SORCS3: variants seen among roughly 807,000 people sequenced by gnomAD.
SORCS3 encodes the protein sortilin related VPS10 domain containing receptor 3.
A neutral mutation model predicts 146.3 loss-of-function variants in SORCS3; 57 were observed. That is an observed-to-expected ratio of 0.39 (90% CI 0.31 to 0.49). SORCS3 has a LOEUF of 0.49. Among genes scored for constraint, SORCS3 ranks in the 20% least tolerant of loss-of-function variants. The probability of loss-of-function intolerance (pLI) is 0.92; values close to 1 mark genes in which losing one functional copy is unlikely to be tolerated. For synonymous variants in SORCS3, 653 were observed against 618.5 expected (o/e 1.06, Z -0.83); for missense variants, 1,341 against 1,575.5 (o/e 0.85, Z 2.52).
At chr10:105,143,104 A>G (rs2056106875) in intron 8 of SORCS3, among the ~76,000 whole-genome samples, 1 of 152,040 alleles carries the variant, frequency 6.6e-6, no homozygotes, top group Non-Finnish European at 1.5e-5. Context: ...CCACTATTTC[A>G]CTAAAAATCC....
At chr10:104,724,787 A>T (rs1203756661) in intron 1 of SORCS3, among the ~76,000 whole-genome samples, 1 of 152,082 alleles carries the variant, frequency 6.6e-6, no homozygotes, top group Non-Finnish European at 1.5e-5. Context: ...AGGCTTGTGC[A>T]TTCATCATGT....
At chr10:104,915,981 G>A in intron 3 of SORCS3, 49 bp downstream of exon 3, 1 of 1,395,436 alleles carries the variant, frequency 7.2e-7, no homozygotes, top group Non-Finnish European at 1.0e-6. Flanking sequence ...GGGTAGCTGT[G>A]CTGATTAGGG....
chr10:104,712,533 T>C (rs1159078019), intron 1 of SORCS3, among the ~76,000 whole-genome samples: 1 of 152,168 alleles, frequency 6.6e-6, no homozygotes, highest in Admixed American at 6.5e-5. Context: ...GGGAGAGCTG[T>C]AGAGGCTGAG....
At chr10:105,116,587 G>A (rs1277314416) in intron 7 of SORCS3, among the ~76,000 whole-genome samples, 1 of 152,164 alleles carries the variant, frequency 6.6e-6, no homozygotes, top group African/African-American at 2.4e-5. Context: ...ATGCACACAT[G>A]TGTTCATCAC....
intron 3 of SORCS3, among the ~76,000 whole-genome samples, chr10:104,917,338 T>G (rs1419530277): frequency 6.6e-6 from 1 of 152,236 alleles, no homozygotes; most frequent in African/African-American, 2.4e-5. Context: ...AAGTGGTTAT[T>G]AATAGTTTCT....
chr10:105,057,049 C>T (rs566988855), intron 5 of SORCS3, among the ~76,000 whole-genome samples: 4 of 152,194 alleles, frequency 2.6e-5, no homozygotes, highest in South Asian at 2.1e-4. Context: ...CTCATTTATA[C>T]TAAAGAGTTA....
chr10:104,753,178 T>C (rs568083493), intron 1 of SORCS3, among the ~76,000 whole-genome samples: 2 of 152,356 alleles, frequency 1.3e-5, no homozygotes, highest in East Asian at 3.9e-4. Flanking sequence ...ATGGGTAATC[T>C]ATCCAAATGA....
At chr10:104,850,792 A>C (rs1014018814) in intron 2 of SORCS3, among the ~76,000 whole-genome samples, 1 of 152,234 alleles carries the variant, frequency 6.6e-6, no homozygotes, top group Non-Finnish European at 1.5e-5. Context: ...AGTCTCTGCC[A>C]TACTGGGAAG....
At chr10:105,191,919 T>C (rs371211142) in intron 14 of SORCS3, among the ~76,000 whole-genome samples, 1 of 152,290 alleles carries the variant, frequency 6.6e-6, no homozygotes, top group East Asian at 1.9e-4. Context: ...ATGTTGACCA[T>C]ACACTGAGCC....
At chr10:104,664,037 A>G (rs997745912) in intron 1 of SORCS3, among the ~76,000 whole-genome samples, 2 of 152,174 alleles carry the variant, frequency 1.3e-5, no homozygotes, top group Admixed American at 1.3e-4. Flanking sequence ...AAATAATGAA[A>G]TTATCTGGGC....
rs181417746 is a variant in SORCS3, at chr10:104,991,398, T to C, written c.954+13905T>C. On this transcript the variant is annotated intron_variant, in intron 4 of 26. Transcript: ENST00000369701. ...GAAGCCTCTGTCTTTGGCTTGAGCA[T>C]GGCCAGCTTCTCTCTGCATCTTCAT... Among the ~76,000 whole-genome samples, 191 of 152,234 alleles carry C rather than the reference T, an allele frequency of 1.3e-3. 1 individual carries two copies. The highest frequency in any genetic ancestry group is 3.9e-3 in the African/African-American group (163 of 41,556).
chr10:104,653,420 T>C (rs948719389), intron 1 of SORCS3, among the ~76,000 whole-genome samples: 14 of 152,236 alleles, frequency 9.2e-5, no homozygotes, highest in Non-Finnish European at 1.6e-4. Flanking sequence ...TATTTTACTC[T>C]TGGATTAGTG....
At chr10:104,835,756 A>C (rs2018058835) in intron 1 of SORCS3, among the ~76,000 whole-genome samples, 1 of 152,234 alleles carries the variant, frequency 6.6e-6, no homozygotes, top group South Asian at 2.1e-4. Context: ...GGAGCTCAGC[A>C]ACTCTAGAAT....
intron 2 of SORCS3, among the ~76,000 whole-genome samples, chr10:104,843,125 G>C (rs1322411010): frequency 6.6e-6 from 1 of 152,132 alleles, no homozygotes; most frequent in Non-Finnish European, 1.5e-5. Context: ...CTTGAAGAAG[G>C]TGGGGCCTGG....
At chr10:105,138,408 T>TGGATCA (rs1415807053) in intron 7 of SORCS3, among the ~76,000 whole-genome samples, 1 of 152,208 alleles carries the variant, frequency 6.6e-6, no homozygotes, top group Non-Finnish European at 1.5e-5. Context: ...CTGTCAGATT[T>TGGATCA]GGATCAGACT....
At chr10:105,128,043 A>T (rs11192328) in intron 7 of SORCS3, among the ~76,000 whole-genome samples, 73,647 of 151,998 alleles carry the variant, frequency 0.48, 18,383 homozygotes, top group Non-Finnish European at 0.54. Context: ...CTCTGCCACC[A>T]TGGAGCTGAA....
chr10:105,240,449 A>G (rs192970656), intron 20 of SORCS3, among the ~76,000 whole-genome samples: 193 of 152,308 alleles, frequency 1.3e-3, no homozygotes, highest in Middle Eastern at 3.4e-3. Flanking sequence ...TGTGCAGTGA[A>G]CATCAACATA....
chr10:105,180,942 A>T (rs1238300725), intron 14 of SORCS3, among the ~76,000 whole-genome samples: 2 of 152,212 alleles, frequency 1.3e-5, no homozygotes, highest in Non-Finnish European at 2.9e-5. Flanking sequence ...TAGATAATAA[A>T]TGTTAATACA....
At chr10:104,858,215 A>G (rs1187028102) in intron 2 of SORCS3, among the ~76,000 whole-genome samples, 2 of 152,216 alleles carry the variant, frequency 1.3e-5, no homozygotes, top group Non-Finnish European at 2.9e-5. Flanking sequence ...CCAATCATCT[A>G]AATTCCATTC....
Sources: allele counts gnomAD v4.1 joint callset (sites outside exome capture counted in the v4.1 genomes callset), GRCh38; gene constraint gnomAD v4.1.1; transcripts MANE v1.5; gene names NCBI Gene and HGNC (gene_info 2026-07-23, HGNC 2026-07-21).